Variants in NFATC2 observed in about 807,000 individuals in gnomAD.
NFATC2 encodes the protein nuclear factor of activated T cells 2, also known as nuclear factor of activated T-cells, cytoplasmic 2.
NFATC2 carries 22 observed loss-of-function variants against 87.3 expected under a neutral mutation model. That is an observed-to-expected ratio of 0.25 (90% CI 0.18 to 0.36). The LOEUF is 0.36. Among genes scored for constraint, NFATC2 ranks in the 10% least tolerant of loss-of-function variants. The pLI is 1.00. For missense variants in NFATC2, 1,149 were observed against 1,259.1 expected (o/e 0.91, Z 1.32); for synonymous variants, 565 against 542.2 (o/e 1.04, Z -0.58).
intron 9 of NFATC2, among the ~76,000 whole-genome samples, chr20:51,430,525 A>G (rs752520732): frequency 6.6e-6 from 1 of 152,238 alleles, no homozygotes; most frequent in Non-Finnish European, 1.5e-5. Context: ...TCAATTATTA[A>G]CAGAGCAATA....
intron 9 of NFATC2, among the ~76,000 whole-genome samples, chr20:51,415,047 T>C (rs1979844166): frequency 6.6e-6 from 1 of 151,922 alleles, no homozygotes; most frequent in South Asian, 2.1e-4. Flanking sequence ...CTCAGGAGTT[T>C]TGAGACCAGC....
At chr20:51,476,166 T>C (rs1014194144) in intron 3 of NFATC2, among the ~76,000 whole-genome samples, 3 of 150,992 alleles carry the variant, frequency 2.0e-5, no homozygotes, top group African/African-American at 7.3e-5. Context: ...CATGTTGGTG[T>C]GCTGCACCCA....
intron 3 of NFATC2, among the ~76,000 whole-genome samples, chr20:51,477,512 T>C (rs1988814469): frequency 7.1e-6 from 1 of 140,170 alleles, no homozygotes; most frequent in Non-Finnish European, 1.5e-5. Context: ...TACACATATA[T>C]ATATACATAT....
intron 3 of NFATC2, among the ~76,000 whole-genome samples, chr20:51,482,366 C>G (rs1244147655): frequency 1.2e-5 from 1 of 86,208 alleles, no homozygotes; most frequent in Non-Finnish European, 2.4e-5. Flanking sequence ...TCTTGCTGTT[C>G]CTTTTTTTTT....
intron 9 of NFATC2, among the ~76,000 whole-genome samples, chr20:51,400,524 T>A (rs1296796870): frequency 1.3e-5 from 2 of 152,164 alleles, no homozygotes; most frequent in African/African-American, 4.8e-5. Flanking sequence ...AGCCCTGTTC[T>A]GTCACCTTCT....
At chr20:51,518,073 G>T in intron 2 of NFATC2, among the ~76,000 whole-genome samples, 1 of 152,206 alleles carries the variant, frequency 6.6e-6, no homozygotes, top group East Asian at 1.9e-4. Context: ...AGGTAGAACT[G>T]TTCACAGGGT....
chr20:51,492,251 C>T (rs2075904128), intron 3 of NFATC2, among the ~76,000 whole-genome samples: 1 of 151,554 alleles, frequency 6.6e-6, no homozygotes, highest in African/African-American at 2.4e-5. Context: ...GATTCACAGC[C>T]TCCACCCGCT....
chr20:51,521,519 C>A (rs2076444844), intron 2 of NFATC2, among the ~76,000 whole-genome samples: 1 of 152,178 alleles, frequency 6.6e-6, no homozygotes, highest in Non-Finnish European at 1.5e-5. Context: ...TGGGGTTTCG[C>A]CATGTTGGCA....
At chr20:51,395,436 T>G (rs1465155540) in intron 10 of NFATC2, among the ~76,000 whole-genome samples, 3 of 150,082 alleles carry the variant, frequency 2.0e-5, no homozygotes, top group Non-Finnish European at 2.9e-5. Flanking sequence ...AGACTCTGCT[T>G]AGCCAGCAGA....
intron 9 of NFATC2, among the ~76,000 whole-genome samples, chr20:51,422,601 C>G (rs3746422): frequency 0.14 from 18,469 of 128,374 alleles, 3,468 homozygotes; most frequent in African/African-American, 0.44. Flanking sequence ...AGGGTGGAAA[C>G]TAAAGGAAAA....
rs1185733547 is a variant in NFATC2, at chr20:51,523,461, C to G, written c.780G>C (p.Leu260Phe). The G allele has an allele frequency of 6.2e-7, 1 of 1,610,186 alleles. No homozygotes were observed. Among genetic ancestry groups the G allele is most frequent in the East Asian group, 2.2e-5 (1 of 44,788 alleles). ...GTGAGGCTCCGGGCGGCAGGGCAACCAAGGCCTCGGCGCACGAATGCCTCC... is the reference window on the plus strand; with the variant it reads ...GTGAGGCTCCGGGCGGCAGGGCAACGAAGGCCTCGGCGCACGAATGCCTCC... ...AKRRHSCAEALVALPPGASPQ... is the reference protein window; with the variant it reads ...AKRRHSCAEAFVALPPGASPQ... Residue 260 changes from leucine (L) to phenylalanine (F), a missense_variant, in exon 2 of 11, where the codon TTG (leucine) becomes TTC (phenylalanine). By Grantham distance (22) the Leu-to-Phe change is conservative. Coordinates refer to ENST00000371564, the MANE Select transcript of NFATC2 (RefSeq NM_012340.5). This position sits in a 1 kb window ranked among gnomAD's most constrained non-coding sequence, Gnocchi z 6.9.
chr20:51,405,634 C>G (rs1166773083), intron 9 of NFATC2, among the ~76,000 whole-genome samples: 3 of 152,206 alleles, frequency 2.0e-5, no homozygotes, highest in African/African-American at 7.2e-5. Context: ...ACACCAACCT[C>G]TCACTGGTTG....
intron 1 of NFATC2, among the ~76,000 whole-genome samples, chr20:51,536,807 T>C (rs1232787911): frequency 6.6e-6 from 1 of 152,174 alleles, no homozygotes; most frequent in Non-Finnish European, 1.5e-5. Context: ...GGCCTGTCTT[T>C]AACTCAACAC....
chr20:51,426,007 G>A (rs1007925522), intron 9 of NFATC2, among the ~76,000 whole-genome samples: 1 of 152,120 alleles, frequency 6.6e-6, no homozygotes, highest in South Asian at 2.1e-4. Context: ...TGGAGGAAGC[G>A]GGGGGAGGGA....
At chr20:51,557,545 A>G (rs1269283088) in intron 1 of NFATC2, among the ~76,000 whole-genome samples, 1 of 152,178 alleles carries the variant, frequency 6.6e-6, no homozygotes, top group African/African-American at 2.4e-5. Context: ...TCCAGAAAAC[A>G]AGAGAAATGT....
chr20:51,423,746 C>T, intron 9 of NFATC2, among the ~76,000 whole-genome samples: 1 of 152,176 alleles, frequency 6.6e-6, no homozygotes, highest in African/African-American at 2.4e-5. Flanking sequence ...TCACTTGGTC[C>T]TCTTTTTTAG....
At chr20:51,522,621 G>A (rs1033735952) in intron 2 of NFATC2, among the ~76,000 whole-genome samples, 4 of 150,050 alleles carry the variant, frequency 2.7e-5, no homozygotes, top group African/African-American at 7.4e-5. Flanking sequence ...CACAGCAGAT[G>A]CTAACAAACA....
chr20:51,419,593 T>C (rs1600694648), intron 9 of NFATC2, among the ~76,000 whole-genome samples: 3 of 152,266 alleles, frequency 2.0e-5, no homozygotes, highest in Admixed American at 2.0e-4. Flanking sequence ...GAAGAAATCA[T>C]CTATCTTGTT....
chr20:51,436,693 C>T (rs191368791), intron 6 of NFATC2, among the ~76,000 whole-genome samples: 121 of 150,550 alleles, frequency 8.0e-4, no homozygotes, highest in Non-Finnish European at 4.9e-4. Flanking sequence ...CCAGACTGGG[C>T]GACAGAGTGA....
Sources: gnomAD v4.1 joint callset for allele counts (sites outside exome capture counted in the v4.1 genomes callset) on GRCh38, gnomAD v4.1.1 for gene constraint, Gnocchi (gnomAD v3.1) non-coding constraint, MANE v1.5 for transcripts, NCBI Gene and HGNC (gene_info 2026-07-23, HGNC 2026-07-21) for gene names.